The following UNC5C variants were observed in gnomAD, a reference collection of about 807,000 sequenced individuals.
UNC5C encodes netrin receptor UNC5C.
Under a neutral mutation model 99.8 loss-of-function variants are expected in UNC5C, and 47 were observed. That is an observed-to-expected ratio of 0.47 (90% CI 0.37 to 0.60). The LOEUF (loss-of-function observed/expected upper bound fraction) is 0.60. Among genes scored for constraint, UNC5C ranks in the 20% least tolerant of loss-of-function variants. The pLI, the probability that UNC5C is intolerant of heterozygous loss-of-function variation, is 0.00. For missense variants in UNC5C, 1,062 were observed against 1,165.9 expected, an observed-to-expected ratio of 0.91 and a Z score of 1.30; for synonymous variants, 487 against 452.2, an observed-to-expected ratio of 1.08 and a Z score of -0.98.
At chr4:95,238,139 T>C (rs548201989) in intron 7 of UNC5C, among the ~76,000 whole-genome samples, 41 of 152,364 alleles carry the variant, frequency 2.7e-4, no homozygotes, top group Non-Finnish European at 4.4e-4. Flanking sequence ...GATTTAAGTA[T>C]GTGACTCATA....
intron 1 of UNC5C, among the ~76,000 whole-genome samples, chr4:95,391,989 C>A (rs943604234): frequency 7.9e-5 from 12 of 152,042 alleles, no homozygotes; most frequent in Admixed American, 1.3e-4. Context: ...CCCCAGACGT[C>A]GAGGCTGCAG....
chr4:95,505,652 C>G lies in UNC5C; in HGVS notation c.124+43082G>C, dbSNP rs1301871957. On this transcript the variant is annotated intron_variant, in intron 1 of 15. Transcript: ENST00000453304. ...CAGATTTAGATTATGAAGCACATTG[C>G]ATTTTTGTTCTAGAAACTTTCATGC... is the stretch of plus-strand genomic sequence containing the variant. 2.0e-5 allele frequency among the ~76,000 whole-genome samples: 3 copies of G among 152,060 alleles called. No individual in the cohort carries two copies. In the East Asian group the frequency reaches 5.8e-4, roughly 29 times the overall value.
intron 7 of UNC5C, among the ~76,000 whole-genome samples, chr4:95,224,452 T>G (rs1466930853): frequency 6.6e-6 from 1 of 152,224 alleles, no homozygotes; most frequent in East Asian, 1.9e-4. Context: ...CTGTTCTTGA[T>G]AGGCAGACCA....
intron 3 of UNC5C, among the ~76,000 whole-genome samples, chr4:95,299,663 G>A (rs1460488455): frequency 6.6e-6 from 1 of 152,180 alleles, no homozygotes; most frequent in Non-Finnish European, 1.5e-5. Flanking sequence ...TGAAGGAAGA[G>A]CAAGGAACAT....
intron 4 of UNC5C, among the ~76,000 whole-genome samples, chr4:95,267,192 G>A (rs557115785): frequency 6.6e-6 from 1 of 152,292 alleles, no homozygotes; most frequent in South Asian, 2.1e-4. Flanking sequence ...TTTTAAAAAA[G>A]GACAACTATG....
intron 1 of UNC5C, among the ~76,000 whole-genome samples, chr4:95,401,295 A>ATTTTTATT (rs1745689454): frequency 1.3e-5 from 2 of 149,812 alleles, no homozygotes; most frequent in Admixed American, 1.3e-4. Flanking sequence ...TATTTTTATT[A>ATTTTTATT]TTTTTATTTT....
At chr4:95,402,175 C>G (rs1393265201) in intron 1 of UNC5C, among the ~76,000 whole-genome samples, 1 of 152,088 alleles carries the variant, frequency 6.6e-6, no homozygotes, top group East Asian at 1.9e-4. Context: ...TAATTTTTTT[C>G]AGAATGCCTT....
In UNC5C at chr4:95,245,051, G is replaced by C. The variant is rs559427223; in HGVS notation, c.869C>G (p.Pro290Arg). 1 of 1,614,040 alleles carries C rather than the reference G, an allele frequency of 6.2e-7. No individual in the cohort carries two copies. The highest frequency in any genetic ancestry group is 8.5e-7 in the Non-Finnish European group (1 of 1,180,004). ...YQKRTRTCTN[P>R]APLNGGAFCE... ...GAAGGCACCCCCATTGAGTGGTGCC[G>C]GGTTGGTACAAGTCCTTGTACGTTT... is the stretch of plus-strand genomic sequence containing the variant. The change falls in exon 6 of 16, where the codon CCG (proline) becomes CGG (arginine). Residue 290 changes from proline (P) to arginine (R), a missense_variant. Transcript: ENST00000453304.
chr4:95,537,932 A>G (rs1722823618), intron 1 of UNC5C, among the ~76,000 whole-genome samples: 1 of 152,198 alleles, frequency 6.6e-6, no homozygotes, highest in Non-Finnish European at 1.5e-5. Context: ...TTCACTTTAA[A>G]TAAATTTCTC....
chr4:95,439,258 G>A (rs1746878976), intron 1 of UNC5C, among the ~76,000 whole-genome samples: 1 of 152,080 alleles, frequency 6.6e-6, no homozygotes, highest in South Asian at 2.1e-4. Flanking sequence ...CTTCTAGAAT[G>A]GAAAAGATTT....
chr4:95,446,661 C>CATATTT (rs1747115482), intron 1 of UNC5C, among the ~76,000 whole-genome samples: 1 of 152,120 alleles, frequency 6.6e-6, no homozygotes, highest in Admixed American at 6.5e-5. Flanking sequence ...TTCACTGGCA[C>CATATTT]ACAACAGTAA....
intron 1 of UNC5C, among the ~76,000 whole-genome samples, chr4:95,456,998 C>T (rs964154893): frequency 6.6e-6 from 1 of 152,194 alleles, no homozygotes; most frequent in African/African-American, 2.4e-5. Context: ...CCAGAAAATT[C>T]TGTGCATTTG....
At chr4:95,447,390 T>C (rs1451177829) in intron 1 of UNC5C, among the ~76,000 whole-genome samples, 6 of 152,234 alleles carry the variant, frequency 3.9e-5, no homozygotes, top group Non-Finnish European at 4.4e-5. Flanking sequence ...CCCTGATTTA[T>C]AGACAAGGAA....
intron 1 of UNC5C, among the ~76,000 whole-genome samples, chr4:95,454,855 CAG>C (rs1747384247): frequency 6.6e-6 from 1 of 151,970 alleles, no homozygotes; most frequent in Non-Finnish European, 1.5e-5. Context: ...TTGATCATAT[CAG>C]TATCCAAAGA....
intron 1 of UNC5C, among the ~76,000 whole-genome samples, chr4:95,519,506 A>G (rs1335525204): frequency 6.6e-6 from 1 of 152,154 alleles, no homozygotes; most frequent in African/African-American, 2.4e-5. Flanking sequence ...CTTCAACAGA[A>G]AAGCTAACAT....
chr4:95,483,049 A>G (rs116807895), intron 1 of UNC5C, among the ~76,000 whole-genome samples: 3 of 130,320 alleles, frequency 2.3e-5, no homozygotes, highest in Non-Finnish European at 5.1e-5. Flanking sequence ...TAATAAAAAC[A>G]CATGCAGTAA....
chr4:95,462,512 T>C (rs775283136), intron 1 of UNC5C, among the ~76,000 whole-genome samples: 1 of 152,132 alleles, frequency 6.6e-6, no homozygotes, highest in Non-Finnish European at 1.5e-5. Context: ...AAAATGAAAA[T>C]TTCAGGAGAA....
intron 12 of UNC5C, among the ~76,000 whole-genome samples, chr4:95,186,869 T>C (rs941556881): frequency 2.0e-5 from 3 of 152,096 alleles, no homozygotes; most frequent in Non-Finnish European, 2.9e-5. Flanking sequence ...TGTTGTGTCA[T>C]TGTCCCCCTA....
At chr4:95,277,520 C>T (rs1740906313) in intron 4 of UNC5C, among the ~76,000 whole-genome samples, 1 of 152,168 alleles carries the variant, frequency 6.6e-6, no homozygotes. Context: ...TATTAGTTTT[C>T]CTCAACAGTG....
Sources: gnomAD v4.1 joint callset for allele counts (sites outside exome capture counted in the v4.1 genomes callset) on GRCh38, gnomAD v4.1.1 for gene constraint, MANE v1.5 for transcripts, NCBI Gene and HGNC (gene_info 2026-07-23, HGNC 2026-07-21) for gene names.